The following PTN variants were observed in gnomAD, a reference collection of about 807,000 sequenced individuals.
PTN encodes the protein heparin affin regulatory protein.
A neutral mutation model predicts 24.1 loss-of-function variants in PTN; 18 were observed. The ratio of observed to expected loss-of-function variants is 0.75; its 90% CI spans 0.52 to 1.11. The LOEUF (loss-of-function observed/expected upper bound fraction) is 1.11, where lower values mean the gene tolerates loss of function less well. Ranked by LOEUF, PTN falls within the 50% of genes least tolerant of loss-of-function variation. The pLI is 0.00. For missense variants in PTN, 163 were observed against 198.8 expected (o/e 0.82, Z 1.08); for synonymous variants, 78 against 68.6 (o/e 1.14, Z -0.67).
chr7:137,299,215 A>T (rs1384519015), intron 1 of PTN, among the ~76,000 whole-genome samples: 1 of 151,940 alleles, frequency 6.6e-6, no homozygotes, highest in African/African-American at 2.4e-5. Context: ...CCTAAAATGA[A>T]TGTTGTCTAA....
At chr7:137,320,083 G>A (rs530449280) in intron 1 of PTN, among the ~76,000 whole-genome samples, 3 of 152,336 alleles carry the variant, frequency 2.0e-5, no homozygotes, top group Admixed American at 1.3e-4. Flanking sequence ...TAGTTTGGAA[G>A]ACATAAATAT....
chr7:137,230,318 T>C (rs145838125), intron 4 of PTN, among the ~76,000 whole-genome samples: 69 of 151,966 alleles, frequency 4.5e-4, no homozygotes, highest in African/African-American at 1.4e-3. Context: ...CATTGGTGTC[T>C]TATTCCTTAA....
Position 137,227,887 on chromosome 7 carries a change from T to C in PTN, c.*133A>G, listed in dbSNP as rs1023192836. 23 of 1,285,266 alleles carry C rather than the reference T, an allele frequency of 1.8e-5. No individual in the cohort carries two copies. In the East Asian group the frequency reaches 4.8e-4, roughly 27 times the overall value. The allele number at this position is 1,285,266 out of a possible 1,614,324, so 79.6% of individuals were successfully genotyped here. ...AAAACGCTACTACAAAAATTTTCTT[T>C]TCTTTTTGTTTTTGCTTATTGTGTA... On this transcript the variant is annotated 3_prime_UTR_variant, in exon 5 of 5. Coordinates refer to ENST00000348225, the MANE Select transcript of PTN (RefSeq NM_002825.7).
At chr7:137,301,760 T>C (rs888089616) in intron 1 of PTN, among the ~76,000 whole-genome samples, 4 of 151,974 alleles carry the variant, frequency 2.6e-5, no homozygotes, top group African/African-American at 9.7e-5. Flanking sequence ...GCTTGTTCTT[T>C]GAACTCAGTA....
intron 4 of PTN, among the ~76,000 whole-genome samples, chr7:137,239,548 C>G (rs955978869): frequency 1.3e-5 from 2 of 152,030 alleles, no homozygotes; most frequent in Admixed American, 1.3e-4. Context: ...TATCCCTCCC[C>G]CCTCCTCCCA....
chr7:137,289,910 C>T (rs1024934126), intron 1 of PTN, among the ~76,000 whole-genome samples: 13 of 152,102 alleles, frequency 8.5e-5, no homozygotes, highest in Non-Finnish European at 2.9e-5. Flanking sequence ...TCATAAGAAT[C>T]GTTTTAAGTC....
intron 1 of PTN, among the ~76,000 whole-genome samples, chr7:137,341,616 G>C (rs1401046991): frequency 6.6e-6 from 1 of 152,024 alleles, no homozygotes; most frequent in East Asian, 1.9e-4. Flanking sequence ...CTCTAGCTTT[G>C]AGAACATAAT....
chr7:137,256,900 AT>A (rs1305722217), intron 1 of PTN, among the ~76,000 whole-genome samples: 2 of 152,212 alleles, frequency 1.3e-5, no homozygotes, highest in Admixed American at 6.5e-5. Context: ...GCCAACAAAT[AT>A]GAAAAAAAGC....
intron 4 of PTN, among the ~76,000 whole-genome samples, chr7:137,250,315 G>T (rs1395934726): frequency 6.6e-6 from 1 of 152,134 alleles, no homozygotes; most frequent in African/African-American, 2.4e-5. Context: ...TCTTCTGAAG[G>T]TTCTCCCTAT....
chr7:137,253,294 C>A (rs1808860894), intron 3 of PTN, among the ~76,000 whole-genome samples, 170 bp downstream of exon 3: 1 of 152,158 alleles, frequency 6.6e-6, no homozygotes, highest in Non-Finnish European at 1.5e-5. Context: ...CACAAGACAG[C>A]CTCCACAACA....
Position 137,252,401 on chromosome 7 carries a change from G to GT in PTN, c.290-1011dup, listed in dbSNP as rs955023651. ...TGAACTGTTAGGTTTTGTTTGTTTT[G>GT]TTTTTTGTTGTTGTTGTTTTGTTGT... On this transcript the variant is annotated intron_variant, in intron 3 of 4. Transcript: ENST00000348225. Among the ~76,000 whole-genome samples the GT allele has an allele frequency of 9.2e-5, 14 of 151,660 alleles. 1 individual carries two copies. Among genetic ancestry groups the GT allele is most frequent in the African/African-American group, 2.9e-4 (12 of 41,034 alleles).
At chr7:137,295,707 A>G (rs1302770752) in intron 1 of PTN, among the ~76,000 whole-genome samples, 1 of 152,032 alleles carries the variant, frequency 6.6e-6, no homozygotes, top group Non-Finnish European at 1.5e-5. Context: ...CCTTTTTTTC[A>G]CGTGGTTTTA....
chr7:137,340,374 T>C (rs1377597667), intron 1 of PTN, among the ~76,000 whole-genome samples: 1 of 152,170 alleles, frequency 6.6e-6, no homozygotes, highest in African/African-American at 2.4e-5. Flanking sequence ...TTTTACAATC[T>C]AGAAATATTG....
intron 4 of PTN, among the ~76,000 whole-genome samples, chr7:137,246,069 A>G (rs1409622763): frequency 6.6e-6 from 1 of 152,164 alleles, no homozygotes; most frequent in African/African-American, 2.4e-5. Flanking sequence ...GGTATTGTAC[A>G]CTAATGTCCT....
chr7:137,239,377 TA>T (rs1330204803), intron 4 of PTN, among the ~76,000 whole-genome samples: 1 of 70,002 alleles, frequency 1.4e-5, no homozygotes, highest in African/African-American at 6.6e-5. Context: ...TTTTCTTTTT[TA>T]TTTATTTATT....
At chr7:137,287,528 T>G (rs1466017159) in intron 1 of PTN, among the ~76,000 whole-genome samples, 2 of 152,158 alleles carry the variant, frequency 1.3e-5, no homozygotes, top group East Asian at 3.8e-4. Flanking sequence ...CAACCAGAAT[T>G]TGTTTAATTC....
chr7:137,236,288 G>A, intron 4 of PTN: 4 of 701,840 alleles, frequency 5.7e-6, no homozygotes, highest in East Asian at 5.4e-5. Context: ...AAATCATAAA[G>A]GGCCCATTCA....
At chr7:137,267,558 C>A (rs542664536) in intron 1 of PTN, among the ~76,000 whole-genome samples, 1 of 152,288 alleles carries the variant, frequency 6.6e-6, no homozygotes, top group Admixed American at 6.5e-5. Context: ...CAGTCTATTT[C>A]ACACAAAGTT....
chr7:137,303,572 A>G (rs995592012), intron 1 of PTN, among the ~76,000 whole-genome samples: 2 of 152,100 alleles, frequency 1.3e-5, no homozygotes, highest in South Asian at 4.2e-4. Flanking sequence ...CAGTTATTAA[A>G]CACTGTAGAT....
Sources: allele counts gnomAD v4.1 joint callset (sites outside exome capture counted in the v4.1 genomes callset), GRCh38; gene constraint gnomAD v4.1.1; transcripts MANE v1.5; gene names NCBI Gene and HGNC (gene_info 2026-07-23, HGNC 2026-07-21).